The following DBT variants were observed in gnomAD, a reference collection of about 807,000 sequenced individuals.
The protein encoded by DBT is dihydrolipoamide branched chain transacylase E2.
DBT carries 40 observed loss-of-function variants against 51.3 expected under a neutral mutation model. The observed-to-expected ratio is 0.78, with a 90% CI of 0.61 to 1.02. The LOEUF (loss-of-function observed/expected upper bound fraction) is 1.02, where lower values mean the gene tolerates loss of function less well. Among genes scored for constraint, DBT ranks in the 50% least tolerant of loss-of-function variants. DBT has a pLI of 0.00. For synonymous variants in DBT, 181 were observed against 190.4 expected (o/e 0.95, Z 0.41); for missense variants, 510 against 580.2 (o/e 0.88, Z 1.24).
At position 100,191,416 on chromosome 1, in the gene DBT, A is replaced by G. The variant is rs1660796755; in HGVS notation, c.*4839T>C. ...GTATTTGCCTTCCACTCCCTACTCT[A>G]CTGCCACCTCAGCTTCCTCTCTATC... On this transcript the variant is annotated 3_prime_UTR_variant, in exon 11 of 11. Transcript: ENST00000370132. The G allele has an allele frequency of 6.6e-6, 1 of 152,178 alleles. No homozygotes were observed. Among genetic ancestry groups the G allele is most frequent in the Non-Finnish European group, 1.5e-5 (1 of 68,018 alleles). The allele number at this position is 152,178 out of a possible 1,614,324, so 9.4% of individuals were successfully genotyped here.
chr1:100,207,904 G>A (rs1395870348), intron 8 of DBT, among the ~76,000 whole-genome samples: 7 of 152,014 alleles, frequency 4.6e-5, no homozygotes, highest in African/African-American at 7.2e-5. Context: ...AGGCCGAGGC[G>A]GGCGGATCAC....
At chr1:100,237,712 T>C (rs1213777290) in intron 2 of DBT, among the ~76,000 whole-genome samples, 1 of 152,138 alleles carries the variant, frequency 6.6e-6, no homozygotes, top group Admixed American at 6.5e-5. Flanking sequence ...AATCAGCTCA[T>C]GATAACTTCA....
At chr1:100,223,903 T>C (rs1663012514) in intron 4 of DBT, among the ~76,000 whole-genome samples, 1 of 152,166 alleles carries the variant, frequency 6.6e-6, no homozygotes, top group South Asian at 2.1e-4. Flanking sequence ...TGCCTTTTTA[T>C]ATGTCACAGA....
At chr1:100,222,970 A>G (rs1237919119) in intron 4 of DBT, among the ~76,000 whole-genome samples, 3 of 152,214 alleles carry the variant, frequency 2.0e-5, no homozygotes, top group Non-Finnish European at 4.4e-5. Flanking sequence ...GTTAGCAAAT[A>G]CTTCTTAATC....
At chr1:100,244,214 T>C (rs868032992) in intron 1 of DBT, among the ~76,000 whole-genome samples, 17 of 152,160 alleles carry the variant, frequency 1.1e-4, no homozygotes, top group African/African-American at 3.9e-4. Context: ...AAGGGCACTT[T>C]TAAGGCAGAG....
intron 10 of DBT, 105 bp from the exon 11 acceptor site, chr1:100,196,527 C>T: frequency 7.5e-7 from 1 of 1,340,900 alleles, no homozygotes. Flanking sequence ...CAGGCAAACC[C>T]TTCTTCCTGT....
intron 4 of DBT, among the ~76,000 whole-genome samples, chr1:100,224,698 C>T (rs543424648): frequency 1.1e-4 from 16 of 152,074 alleles, no homozygotes; most frequent in South Asian, 8.3e-4. Context: ...AGAGCTGACA[C>T]ACAATAAACT....
At chr1:100,227,723 T>G (rs1171145311) in intron 4 of DBT, among the ~76,000 whole-genome samples, 1 of 152,260 alleles carries the variant, frequency 6.6e-6, no homozygotes, top group Admixed American at 6.5e-5. Flanking sequence ...AGATGTTAAG[T>G]GTATCCTGAT....
chr1:100,224,663 A>G (rs1663064559), intron 4 of DBT, among the ~76,000 whole-genome samples: 1 of 152,110 alleles, frequency 6.6e-6, no homozygotes, highest in African/African-American at 2.4e-5. Flanking sequence ...AATGCCATTA[A>G]TTTTGTTCTA....
intron 7 of DBT, chr1:100,210,994 G>T: frequency 1.2e-6 from 1 of 823,214 alleles, no homozygotes; most frequent in Admixed American, 2.2e-5. Flanking sequence ...AAAGTAGTCA[G>T]GTAGCTTGTA....
At chr1:100,225,317 T>C (rs1365807433) in intron 4 of DBT, among the ~76,000 whole-genome samples, 1 of 152,002 alleles carries the variant, frequency 6.6e-6, no homozygotes. Context: ...AATGAAATCA[T>C]ATAGCATGTT....
intron 10 of DBT, among the ~76,000 whole-genome samples, chr1:100,201,091 A>G (rs1235330319): frequency 6.6e-6 from 1 of 152,084 alleles, no homozygotes; most frequent in Non-Finnish European, 1.5e-5. Flanking sequence ...GCTTCAGGTA[A>G]TAACAAACTC....
At chr1:100,241,864 C>G (rs1227275615) in intron 1 of DBT, among the ~76,000 whole-genome samples, 1 of 151,976 alleles carries the variant, frequency 6.6e-6, no homozygotes, top group African/African-American at 2.4e-5. Context: ...ACTAACAATA[C>G]AAAAGAATTA....
At chr1:100,212,054 G>C (rs1191329084) in intron 7 of DBT, among the ~76,000 whole-genome samples, 3 of 152,182 alleles carry the variant, frequency 2.0e-5, no homozygotes, top group East Asian at 3.8e-4. Context: ...TTACAGTCGT[G>C]AGACACTGCG....
In DBT at chr1:100,214,806, A is replaced by C. The variant is rs750308108; in HGVS notation, c.939+11T>G. 1 of 1,613,510 alleles carries C rather than the reference A, an allele frequency of 6.2e-7. No homozygotes were observed. The highest frequency in any genetic ancestry group is 1.1e-5 in the South Asian group (1 of 91,064). Reference sequence around the variant, plus strand: ...CCTACTCAAGCCTTGTTTGAAATGAATGAATCTCACCTTTAAGAAGAAAGG... The same window carrying C: ...CCTACTCAAGCCTTGTTTGAAATGACTGAATCTCACCTTTAAGAAGAAAGG... On this transcript the variant is annotated intron_variant, in intron 7 of 10. Coordinates refer to ENST00000370132, the MANE Select transcript of DBT (RefSeq NM_001918.5).
intron 3 of DBT, among the ~76,000 whole-genome samples, chr1:100,232,641 T>C (rs1663612981): frequency 6.6e-6 from 1 of 152,206 alleles, no homozygotes; most frequent in Non-Finnish European, 1.5e-5. Context: ...CTTGCTCTGG[T>C]TGCCCAGACT....
chr1:100,202,245 A>G (rs1661478367), intron 10 of DBT, among the ~76,000 whole-genome samples: 1 of 152,152 alleles, frequency 6.6e-6, no homozygotes, highest in Non-Finnish European at 1.5e-5. Flanking sequence ...AAAAAAAGAA[A>G]AAGCAGGGGT....
At chr1:100,236,122 A>G (rs1663853843) in intron 2 of DBT, among the ~76,000 whole-genome samples, 1 of 150,690 alleles carries the variant, frequency 6.6e-6, no homozygotes, top group African/African-American at 2.4e-5. Flanking sequence ...GAGTCTCACT[A>G]TGTTCCCCAG....
In DBT at chr1:100,214,832, CATAAAGG is replaced by C; in HGVS notation, c.917_923del (p.Ser306CysfsTer5). Reference sequence around the variant, plus strand: ...TGAATCTCACCTTTAAGAAGAAAGGCATAAAGGAGAGTTTAATTCCACGAGCAAATGC... The same window carrying C: ...TGAATCTCACCTTTAAGAAGAAAGGCAGAGTTTAATTCCACGAGCAAATGC... On this transcript the variant is annotated frameshift_variant, in exon 7 of 11. Coordinates refer to ENST00000370132, the MANE Select transcript of DBT (RefSeq NM_001918.5). LOFTEE classifies it high-confidence loss of function. 3 of 1,614,056 alleles carry C rather than the reference CATAAAGG, an allele frequency of 1.9e-6. No homozygotes were observed. The highest frequency in any genetic ancestry group is 2.5e-6 in the Non-Finnish European group (3 of 1,179,962).
Sources: gnomAD v4.1 joint callset for allele counts (sites outside exome capture counted in the v4.1 genomes callset) on GRCh38, gnomAD v4.1.1 for gene constraint, MANE v1.5 for transcripts, NCBI Gene and HGNC (gene_info 2026-07-23, HGNC 2026-07-21) for gene names.